CBFA2T3: variants seen among roughly 807,000 people sequenced by gnomAD.
CBFA2T3 encodes the protein CBFA2/RUNX1 partner transcriptional co-repressor 3, also known as transcriptional corepressor CBFA2T3.
Under a neutral mutation model 58.6 loss-of-function variants are expected in CBFA2T3, and 31 were observed. That is an observed-to-expected ratio of 0.53 (90% confidence interval 0.40 to 0.71). CBFA2T3 has a LOEUF of 0.71. Among genes scored for constraint, CBFA2T3 ranks in the 30% least tolerant of loss-of-function variants. The pLI is 0.00. For missense variants in CBFA2T3, 1,076 were observed against 963.1 expected, an observed-to-expected ratio of 1.12 and a Z score of -1.55; for synonymous variants, 531 against 421.9, an observed-to-expected ratio of 1.26 and a Z score of -3.17.
rs181515376 is a variant in CBFA2T3 at position 88,885,091 on chromosome 16, G to A, written c.1072C>T (p.Arg358Cys). 6.2e-6 allele frequency: 10 copies of A among 1,602,282 alleles called. No homozygotes were observed. The highest frequency in any genetic ancestry group is 1.6e-4 in the Middle Eastern group (1 of 6,066). The change falls in exon 7 of 12, where the codon CGC becomes TGC. Residue 358 changes from arginine to cysteine, a missense_variant. Arg to Cys is a radical substitution (Grantham distance 180). Coordinates refer to ENST00000268679, the MANE Select transcript of CBFA2T3 (RefSeq NM_005187.6). The surrounding 1 kb of genome is among the most constrained non-coding windows in gnomAD (Gnocchi z 5.3). ...CGTAGCTCCCGGGGGTCTGGGTGGC[G>A]GTAGGCATCTCGGAAGTGGTGGGCC... The part of the protein sequence containing the change: ...AMAHHFRDAY[R>C]HPDPRELRER...
chr16:88,925,023 GTCTGCGAGGGGTCTCAGC>G (rs1234448535), intron 1 of CBFA2T3, among the ~76,000 whole-genome samples: 1 of 152,244 alleles, frequency 6.6e-6, no homozygotes, highest in Non-Finnish European at 1.5e-5. Context: ...GGCTTGCTGT[GTCTGCGAGGGGTCTCAGC>G]TCTGCACCAG....
At position 88,892,448 on chromosome 16, in the gene CBFA2T3, A is replaced by G; in HGVS notation, c.417T>C (p.Asn139=). 1 of 1,613,418 alleles carries G rather than the reference A, an allele frequency of 6.2e-7. No individual in the cohort carries two copies. Among genetic ancestry groups the G allele is most frequent in the Middle Eastern group, 1.7e-4 (1 of 6,060 alleles). ...NGSSHSPTAI[N]GAPCTPNGFS... ...AGCCGTTGGGTGTGCACGGTGCACCATTGATGGCTGTTGGTGAGTGGCTGC... is the reference window on the plus strand; with the variant it reads ...AGCCGTTGGGTGTGCACGGTGCACCGTTGATGGCTGTTGGTGAGTGGCTGC... Residue 139 remains asparagine, a synonymous_variant, in exon 4 of 12, where the codon AAT becomes AAC. Transcript: ENST00000268679.
At chr16:88,895,213 C>T (rs1045248029) in intron 3 of CBFA2T3, among the ~76,000 whole-genome samples, 2 of 152,208 alleles carry the variant, frequency 1.3e-5, no homozygotes, top group Non-Finnish European at 2.9e-5. Flanking sequence ...CTGACCAGCC[C>T]GTACCTCCAA....
chr16:88,881,645 C>G, intron 8 of CBFA2T3, 156 bp from the exon 9 acceptor site: 1 of 712,954 alleles, frequency 1.4e-6, no homozygotes, highest in Non-Finnish European at 2.2e-6. Flanking sequence ...ACCTCCATGG[C>G]TTGCAAAGAT....
intron 1 of CBFA2T3, among the ~76,000 whole-genome samples, chr16:88,907,297 G>A (rs1380829868): frequency 6.6e-6 from 1 of 152,098 alleles, no homozygotes; most frequent in Non-Finnish European, 1.5e-5. Context: ...CCCCACCCTG[G>A]CTATCCTCCT....
chr16:88,961,618 A>G (rs60695823), intron 1 of CBFA2T3, among the ~76,000 whole-genome samples: 44 of 80,058 alleles, frequency 5.5e-4, no homozygotes, highest in Admixed American at 8.1e-4. Flanking sequence ...GACACTCAGC[A>G]CTGGGCATTC....
chr16:88,936,475 G>A (rs890880390), intron 1 of CBFA2T3, among the ~76,000 whole-genome samples: 1 of 150,984 alleles, frequency 6.6e-6, no homozygotes, highest in Non-Finnish European at 1.5e-5. Context: ...AGGGGCAGCC[G>A]AGTATCCACC....
At chr16:88,892,686 G>A (rs1969691898) in intron 3 of CBFA2T3, among the ~76,000 whole-genome samples, 1 of 152,236 alleles carries the variant, frequency 6.6e-6, no homozygotes, top group Non-Finnish European at 1.5e-5. Flanking sequence ...CCCTTAGCAT[G>A]CTGACCATCT....
intron 1 of CBFA2T3, among the ~76,000 whole-genome samples, chr16:88,913,793 G>A (rs1291497669): frequency 2.0e-5 from 3 of 152,132 alleles, no homozygotes; most frequent in Admixed American, 6.5e-5. Context: ...GAGAGGGCTG[G>A]GTAGATAAAT....
intron 1 of CBFA2T3, among the ~76,000 whole-genome samples, chr16:88,921,148 T>G (rs1970904105): frequency 6.6e-6 from 1 of 152,262 alleles, no homozygotes; most frequent in African/African-American, 2.4e-5. Flanking sequence ...ATTTCAATTC[T>G]TTCTAGGAAA....
At chr16:88,964,106 G>A (rs1195740647) in intron 1 of CBFA2T3, among the ~76,000 whole-genome samples, 2 of 152,230 alleles carry the variant, frequency 1.3e-5, no homozygotes, top group Admixed American at 6.5e-5. Context: ...TACCTGGGCC[G>A]ATCGGCTTAA....
chr16:88,885,012 C>G lies in CBFA2T3; in HGVS notation c.1117+34G>C. On this transcript the variant is annotated intron_variant, in intron 7 of 11. Transcript: ENST00000268679. The surrounding 1 kb of genome is among the most constrained non-coding windows in gnomAD (Gnocchi z 5.3). ...TGGGCGCATGTGTGCTCCTGTAACA[C>G]GCGTCCACGCTCCCGCCCCACCGGG... 1 of 1,502,802 alleles carries G rather than the reference C, an allele frequency of 6.7e-7. No homozygotes were observed. Among genetic ancestry groups the G allele is most frequent in the Non-Finnish European group, 9.0e-7 (1 of 1,107,904 alleles). 93.1% of individuals were successfully genotyped at this position (1,502,802 alleles called of 1,614,324 possible). A position where few individuals can be genotyped will look rare whatever the true frequency, so the allele number is the denominator to read the frequency against.
intron 11 of CBFA2T3, 130 bp from the exon 12 acceptor site, chr16:88,877,405 C>T (rs1401247479): frequency 4.1e-6 from 3 of 729,126 alleles, no homozygotes; most frequent in East Asian, 2.8e-5. Context: ...CAAAGCCCCA[C>T]AGCCCTCGGG....
intron 1 of CBFA2T3, among the ~76,000 whole-genome samples, chr16:88,955,882 GCCAAGTCTCCTGACCCCGC>G: frequency 8.2e-6 from 1 of 122,266 alleles, no homozygotes. Context: ...CCTGACCCCA[GCCAAGTCTCCTGACCCCGC>G]CCAAGGCTCC....
chr16:88,904,979 C>A (rs994491078), intron 1 of CBFA2T3, among the ~76,000 whole-genome samples: 1 of 152,134 alleles, frequency 6.6e-6, no homozygotes, highest in African/African-American at 2.4e-5. Context: ...CCTGGCGCTG[C>A]CCCTGGCACA....
intron 3 of CBFA2T3, among the ~76,000 whole-genome samples, chr16:88,893,590 C>T (rs577966464): frequency 3.3e-5 from 5 of 152,304 alleles, no homozygotes; most frequent in South Asian, 2.1e-4. Flanking sequence ...CGCAGATGCC[C>T]GTGCACACAG....
intron 1 of CBFA2T3, among the ~76,000 whole-genome samples, chr16:88,959,080 C>T (rs762372015): frequency 4.6e-5 from 7 of 152,216 alleles, no homozygotes; most frequent in South Asian, 2.1e-4. Flanking sequence ...GCCCCATCCT[C>T]GCGATGCCAA....
chr16:88,958,793 C>T lies in CBFA2T3; in HGVS notation c.151+17864G>A. Among the ~76,000 whole-genome samples the T allele has an allele frequency of 6.6e-6, 1 of 152,148 alleles. No individual in the cohort carries two copies. The highest frequency in any genetic ancestry group is 2.1e-4 in the South Asian group (1 of 4,832). On this transcript the variant is annotated intron_variant, in intron 1 of 11. Transcript: ENST00000268679. This position sits in a 1 kb window ranked among gnomAD's most constrained non-coding sequence, Gnocchi z 4.0. The stretch of plus-strand genomic sequence containing the variant: ...AGCCCAGGTCTGCGCTGGCTCTGGG[C>T]TCTTCCCGCTGCAGGTGTGGGTCCC...
At chr16:88,904,014 G>C (rs777804508) in intron 1 of CBFA2T3, among the ~76,000 whole-genome samples, 1 of 152,266 alleles carries the variant, frequency 6.6e-6, no homozygotes, top group Non-Finnish European at 1.5e-5. Flanking sequence ...CTAAGGTGGA[G>C]AGGGTGGCCA....
Sources: gnomAD v4.1 joint callset for allele counts (sites outside exome capture counted in the v4.1 genomes callset) on GRCh38, gnomAD v4.1.1 for gene constraint, Gnocchi (gnomAD v3.1) non-coding constraint, MANE v1.5 for transcripts, NCBI Gene and HGNC (gene_info 2026-07-23, HGNC 2026-07-21) for gene names.